Variants in PACRG observed in about 807,000 individuals in gnomAD.
PACRG encodes parkin coregulated gene protein.
Under a neutral mutation model 29.7 loss-of-function variants are expected in PACRG, and 29 were observed. The observed-to-expected ratio is 0.98, with a 90% CI of 0.73 to 1.33. The LOEUF (loss-of-function observed/expected upper bound fraction) is 1.33, where lower values mean the gene tolerates loss of function less well. Ranked by LOEUF, PACRG falls within the 40% of genes most tolerant of loss-of-function variation. PACRG has a pLI of 0.00. For missense variants in PACRG, 279 were observed against 316.2 expected (o/e 0.88, Z 0.89); for synonymous variants, 116 against 118.7 (o/e 0.98, Z 0.15).
chr6:162,749,580 G>A (rs533097802), intron 1 of PACRG, among the ~76,000 whole-genome samples: 1 of 152,160 alleles, frequency 6.6e-6, no homozygotes. Flanking sequence ...GAGTGCAATG[G>A]CGTGATCTCA....
At chr6:162,981,065 G>T (rs750371722) in intron 2 of PACRG, among the ~76,000 whole-genome samples, 2 of 151,810 alleles carry the variant, frequency 1.3e-5, no homozygotes, top group Non-Finnish European at 2.9e-5. Flanking sequence ...AGTCCCCAGT[G>T]TCCATTATAT....
intron 2 of PACRG, among the ~76,000 whole-genome samples, chr6:162,828,226 C>T (rs2128388070): frequency 6.6e-6 from 1 of 152,168 alleles, no homozygotes; most frequent in Non-Finnish European, 1.5e-5. Flanking sequence ...TTTGGTAGCT[C>T]TATTTATTTT....
chr6:162,736,206 A>C (rs565534588), intron 1 of PACRG, among the ~76,000 whole-genome samples: 5 of 152,220 alleles, frequency 3.3e-5, no homozygotes, highest in Non-Finnish European at 7.3e-5. Flanking sequence ...TATCTTTTGC[A>C]AGAAATGCAG....
At chr6:162,938,854 G>T (rs559975319) in intron 2 of PACRG, among the ~76,000 whole-genome samples, 15 of 152,014 alleles carry the variant, frequency 9.9e-5, no homozygotes, top group East Asian at 3.9e-4. Context: ...GAATTGTTTG[G>T]TTTTTTCTTG....
At chr6:162,975,318 T>A (rs1033256407) in intron 2 of PACRG, among the ~76,000 whole-genome samples, 5 of 152,198 alleles carry the variant, frequency 3.3e-5, no homozygotes, top group Non-Finnish European at 5.9e-5. Context: ...AAACTGGCCC[T>A]GATATATGGC....
chr6:162,942,317 C>A (rs1798690029), intron 2 of PACRG, among the ~76,000 whole-genome samples: 1 of 152,178 alleles, frequency 6.6e-6, no homozygotes, highest in African/African-American at 2.4e-5. Context: ...AATATGACTT[C>A]CTGTCCCCCT....
At position 163,290,273 on chromosome 6, in the gene PACRG, C is replaced by CGT. The variant is rs1250588695; in HGVS notation, c.614-24553_614-24552insTG. Among the ~76,000 whole-genome samples the CGT allele has an allele frequency of 7.8e-3, 807 of 103,634 alleles. 6 individuals are homozygous for CGT. The highest frequency in any genetic ancestry group is 0.018 in the South Asian group (57 of 3,148). The allele number at this position is 103,634 out of a possible 152,430, so 68.0% of individuals were successfully genotyped here. A position where few individuals can be genotyped will look rare whatever the true frequency, so the allele number is the denominator to read the frequency against. ...ACGCACATGTGCGCATGCACGCGCG[C>CGT]GCGCGCACACACACACACACACACA... is the stretch of plus-strand genomic sequence containing the variant. On this transcript the variant is annotated intron_variant, in intron 4 of 4. Transcript: ENST00000366888.
At chr6:163,246,267 T>C in intron 4 of PACRG, among the ~76,000 whole-genome samples, 1 of 152,188 alleles carries the variant, frequency 6.6e-6, no homozygotes, top group Non-Finnish European at 1.5e-5. Flanking sequence ...TCCAGTTGCA[T>C]CAGAAGTCTT....
intron 2 of PACRG, among the ~76,000 whole-genome samples, chr6:162,875,254 G>A: frequency 7.1e-6 from 1 of 141,422 alleles, no homozygotes; most frequent in African/African-American, 2.6e-5. Context: ...TTCACACACA[G>A]ACATGCACAC....
chr6:163,294,540 A>C (rs1784724009), intron 4 of PACRG, among the ~76,000 whole-genome samples: 2 of 152,204 alleles, frequency 1.3e-5, no homozygotes, highest in African/African-American at 4.8e-5. Context: ...CAAAATTTGA[A>C]AGGAAAGACA....
Position 163,119,263 on chromosome 6 carries a change from C to T in PACRG, c.613+29855C>T, listed in dbSNP as rs150304607. Among the ~76,000 whole-genome samples, 626 of 152,340 alleles carry T rather than the reference C, an allele frequency of 4.1e-3. 5 individuals are homozygous for T. The highest frequency in any genetic ancestry group is 0.014 in the African/African-American group (577 of 41,578). Reference sequence around the variant, plus strand: ...CAGCTCTTCGCAGCCATGAGATATGCGAGCACGCTGCCTAACTCATCTGTA... The same window carrying T: ...CAGCTCTTCGCAGCCATGAGATATGTGAGCACGCTGCCTAACTCATCTGTA... On this transcript the variant is annotated intron_variant, in intron 4 of 4. Coordinates refer to ENST00000366888, the MANE Select transcript of PACRG (RefSeq NM_001080379.2).
intron 2 of PACRG, among the ~76,000 whole-genome samples, chr6:162,932,131 A>G: frequency 6.6e-6 from 1 of 152,082 alleles, no homozygotes; most frequent in East Asian, 1.9e-4. Context: ...ATCTAAAAAA[A>G]GTAATGTTGA....
chr6:162,799,648 C>G (rs1225204590), intron 1 of PACRG, among the ~76,000 whole-genome samples: 1 of 151,404 alleles, frequency 6.6e-6, no homozygotes, highest in Non-Finnish European at 1.5e-5. Context: ...TTTCTTACTA[C>G]TATAAATATC....
chr6:162,905,659 C>T (rs1482180011), intron 2 of PACRG, among the ~76,000 whole-genome samples: 4 of 152,142 alleles, frequency 2.6e-5, no homozygotes, highest in African/African-American at 9.7e-5. Flanking sequence ...ATGTAATAAA[C>T]ATTTCCATCT....
chr6:163,287,474 C>T (rs910583362), intron 4 of PACRG, among the ~76,000 whole-genome samples: 4 of 152,184 alleles, frequency 2.6e-5, no homozygotes, highest in East Asian at 1.9e-4. Flanking sequence ...CCTCCTCCTG[C>T]GGAGGCTGCC....
intron 1 of PACRG, among the ~76,000 whole-genome samples, chr6:162,803,876 CTCTG>C (rs1464464522): frequency 1.3e-5 from 2 of 152,014 alleles, no homozygotes; most frequent in African/African-American, 4.8e-5. Flanking sequence ...ACTTTGGAGA[CTCTG>C]TCTGAAGGAA....
At chr6:163,248,514 G>A (rs1231204707) in intron 4 of PACRG, among the ~76,000 whole-genome samples, 1 of 151,090 alleles carries the variant, frequency 6.6e-6, no homozygotes, top group Admixed American at 6.6e-5. Context: ...TCCTCATAAT[G>A]CAAACACACT....
intron 4 of PACRG, among the ~76,000 whole-genome samples, chr6:163,289,687 T>A (rs1201796109): frequency 6.6e-6 from 1 of 152,108 alleles, no homozygotes; most frequent in Non-Finnish European, 1.5e-5. Context: ...CCTGTACTAG[T>A]CCAGGAGGGA....
At chr6:163,127,828 T>C (rs781103886) in intron 4 of PACRG, among the ~76,000 whole-genome samples, 7 of 152,246 alleles carry the variant, frequency 4.6e-5, no homozygotes, top group Non-Finnish European at 7.3e-5. Context: ...TTTAGCCTGA[T>C]GACAGCCTGC....
Sources: gnomAD v4.1 joint callset for allele counts (sites outside exome capture counted in the v4.1 genomes callset) on GRCh38, gnomAD v4.1.1 for gene constraint, MANE v1.5 for transcripts, NCBI Gene and HGNC (gene_info 2026-07-23, HGNC 2026-07-21) for gene names.